EEFSEC: variants seen among roughly 807,000 people sequenced by gnomAD.
EEFSEC encodes the protein eukaryotic elongation factor, selenocysteine-tRNA specific.
A neutral mutation model predicts 42.1 loss-of-function variants in EEFSEC; 43 were observed. The observed-to-expected ratio is 1.02, with a 90% CI of 0.80 to 1.32. The LOEUF (loss-of-function observed/expected upper bound fraction) is 1.32. EEFSEC is among the 40% of genes most tolerant of loss of function. The pLI, the probability that EEFSEC is intolerant of heterozygous loss-of-function variation, is 0.00. For synonymous variants in EEFSEC, 354 were observed against 339.1 expected (o/e 1.04, Z -0.48); for missense variants, 745 against 803.6 (o/e 0.93, Z 0.88).
intron 1 of EEFSEC, among the ~76,000 whole-genome samples, chr3:128,176,311 G>A (rs995363825): frequency 1.3e-5 from 2 of 151,830 alleles, no homozygotes; most frequent in Non-Finnish European, 1.5e-5. Flanking sequence ...TAATATACTT[G>A]AAGTAATCAG....
At chr3:128,185,596 C>G (rs1229369867) in intron 1 of EEFSEC, among the ~76,000 whole-genome samples, 2 of 152,098 alleles carry the variant, frequency 1.3e-5, no homozygotes, top group Non-Finnish European at 2.9e-5. Context: ...AGGTCTTGCT[C>G]TGTTGCTCAG....
intron 1 of EEFSEC, among the ~76,000 whole-genome samples, chr3:128,202,467 ATAAT>A (rs796594312): frequency 2.6e-5 from 4 of 152,344 alleles, no homozygotes; most frequent in African/African-American, 4.8e-5. Flanking sequence ...ATATATTAAC[ATAAT>A]TAGTTTATGT....
At chr3:128,295,613 A>T (rs1228890373) in intron 4 of EEFSEC, among the ~76,000 whole-genome samples, 127 of 134,626 alleles carry the variant, frequency 9.4e-4, no homozygotes, top group Admixed American at 4.2e-3. Flanking sequence ...TTTTTTTTTT[A>T]AATCTTCCTT....
At chr3:128,239,480 G>T (rs1559882230) in intron 1 of EEFSEC, among the ~76,000 whole-genome samples, 1 of 152,318 alleles carries the variant, frequency 6.6e-6, no homozygotes, top group African/African-American at 2.4e-5. Flanking sequence ...GTCAAGAGGT[G>T]TACTTGCCTG....
At chr3:128,224,809 T>C (rs2065892958) in intron 1 of EEFSEC, among the ~76,000 whole-genome samples, 1 of 152,240 alleles carries the variant, frequency 6.6e-6, no homozygotes, top group East Asian at 1.9e-4. Context: ...AAAAATGTTC[T>C]TCAAATATGG....
intron 6 of EEFSEC, among the ~76,000 whole-genome samples, chr3:128,387,281 C>G (rs78628856): frequency 6.6e-6 from 1 of 152,188 alleles, no homozygotes; most frequent in African/African-American, 2.4e-5. Flanking sequence ...CCCATCTGCC[C>G]AGCATATGCT....
intron 5 of EEFSEC, among the ~76,000 whole-genome samples, chr3:128,347,209 T>A (rs1161899310): frequency 6.6e-6 from 1 of 151,800 alleles, no homozygotes; most frequent in African/African-American, 2.4e-5. Flanking sequence ...TTTTTTCACA[T>A]AAGTCCACGT....
intron 1 of EEFSEC, among the ~76,000 whole-genome samples, chr3:128,170,590 C>T (rs1256675445): frequency 6.6e-6 from 1 of 152,056 alleles, no homozygotes; most frequent in African/African-American, 2.4e-5. Flanking sequence ...CTTTCAGCAA[C>T]ACCCCCAGCT....
chr3:128,382,539 G>A (rs1356541795), intron 6 of EEFSEC, among the ~76,000 whole-genome samples: 5 of 152,192 alleles, frequency 3.3e-5, no homozygotes, highest in Non-Finnish European at 5.9e-5. Flanking sequence ...TGACAGGGCA[G>A]TTGTAAAACA....
chr3:128,186,883 G>A (rs2065471402), intron 1 of EEFSEC, among the ~76,000 whole-genome samples: 2 of 152,080 alleles, frequency 1.3e-5, no homozygotes, highest in Non-Finnish European at 2.9e-5. Flanking sequence ...TGAGCCATGG[G>A]GAGGGCTGTT....
chr3:128,419,291 G>A, the EEFSEC span, among the ~76,000 whole-genome samples: 1 of 152,192 alleles, frequency 6.6e-6, no homozygotes, highest in South Asian at 2.1e-4. Flanking sequence ...GTAGTGGTGT[G>A]GACACTGAAA....
At chr3:128,350,072 G>A (rs1406208826) in intron 5 of EEFSEC, among the ~76,000 whole-genome samples, 2 of 152,238 alleles carry the variant, frequency 1.3e-5, no homozygotes, top group Non-Finnish European at 2.9e-5. Context: ...TGGGCCACAG[G>A]AGCTGGCAGC....
Position 128,335,554 on chromosome 3 carries a change from G to C in EEFSEC, c.787-5679G>C, listed in dbSNP as rs542423050. Among the ~76,000 whole-genome samples, 4 of 152,358 alleles carry C rather than the reference G, an allele frequency of 2.6e-5. No homozygotes were observed. The South Asian group carries it at 8.3e-4, about 32-fold the overall frequency. On this transcript the variant is annotated intron_variant, in intron 4 of 6. Transcript: ENST00000254730. ...GTGGGTCGGGGTCACAGCAAATAAA[G>C]TCAGAGACATCACGGGGGCTGTGTG... is the stretch of plus-strand genomic sequence containing the variant.
chr3:128,414,221 G>A, the EEFSEC span, among the ~76,000 whole-genome samples: 1 of 152,194 alleles, frequency 6.6e-6, no homozygotes, highest in Non-Finnish European at 1.5e-5. Flanking sequence ...AGGCTGGAGG[G>A]TCTGTGGGGT....
chr3:128,302,759 C>G (rs1001850306), intron 4 of EEFSEC, among the ~76,000 whole-genome samples: 1 of 152,110 alleles, frequency 6.6e-6, no homozygotes, highest in Admixed American at 6.5e-5. Context: ...TGAATTTTCC[C>G]AGAAACAATT....
chr3:128,265,875 A>G (rs1378542166), intron 4 of EEFSEC, among the ~76,000 whole-genome samples: 19 of 152,250 alleles, frequency 1.2e-4, no homozygotes, highest in African/African-American at 4.3e-4. Context: ...AGATATCTGT[A>G]TCTCCTATTA....
rs557428460 is a variant in EEFSEC, at chr3:128,396,470, C to T, written c.1601-11599C>T. Among the ~76,000 whole-genome samples the T allele has an allele frequency of 2.0e-5, 3 of 152,320 alleles. No individual in the cohort carries two copies. The East Asian group carries it at 5.8e-4, about 29-fold the overall frequency. On this transcript the variant is annotated intron_variant, in intron 6 of 6. Transcript: ENST00000254730. ...GAGGCACAGAAAGCACTTTTCTGAT[C>T]CTTCCTACCCCAAGCCCTGTGCCAG...
At chr3:128,212,790 C>T (rs1182675881) in intron 1 of EEFSEC, among the ~76,000 whole-genome samples, 1 of 152,074 alleles carries the variant, frequency 6.6e-6, no homozygotes, top group Non-Finnish European at 1.5e-5. Context: ...GGACAGTGAG[C>T]CAAAGCCAAC....
chr3:128,178,988 T>A (rs1349130026), intron 1 of EEFSEC, among the ~76,000 whole-genome samples: 1 of 152,192 alleles, frequency 6.6e-6, no homozygotes, highest in Non-Finnish European at 1.5e-5. Context: ...TTATAAATAT[T>A]TTTAGGGCAT....
Sources: gnomAD v4.1 joint callset for allele counts (sites outside exome capture counted in the v4.1 genomes callset) on GRCh38, gnomAD v4.1.1 for gene constraint, MANE v1.5 for transcripts, NCBI Gene and HGNC (gene_info 2026-07-23, HGNC 2026-07-21) for gene names.